ROBO2: variants seen among roughly 807,000 people sequenced by gnomAD.
ROBO2 encodes roundabout guidance receptor 2, also known as roundabout homolog 2.
Under a neutral mutation model 160.8 loss-of-function variants are expected in ROBO2, and 53 were observed. That is an observed-to-expected ratio of 0.33 (90% CI 0.26 to 0.41). The LOEUF is 0.41. Among genes scored for constraint, ROBO2 ranks in the 10% least tolerant of loss-of-function variants. The probability of loss-of-function intolerance (pLI) is 1.00; values close to 1 mark genes in which losing one functional copy is unlikely to be tolerated. For synonymous variants in ROBO2, 664 were observed against 611.7 expected, an observed-to-expected ratio of 1.09 and a Z score of -1.26; for missense variants, 1,577 against 1,722.4, an observed-to-expected ratio of 0.92 and a Z score of 1.49.
intron 2 of ROBO2, among the ~76,000 whole-genome samples, chr3:76,396,002 G>T (rs554746258): frequency 5.3e-5 from 8 of 152,020 alleles, no homozygotes; most frequent in South Asian, 2.1e-4. Context: ...TACCAAAGCC[G>T]GGCAGAGACA....
At chr3:75,921,214 A>G (rs1338478928) in intron 1 of ROBO2, among the ~76,000 whole-genome samples, 1 of 151,980 alleles carries the variant, frequency 6.6e-6, no homozygotes, top group East Asian at 1.9e-4. Flanking sequence ...GAGCTCTTAT[A>G]AGGCAGGACT....
chr3:77,603,651 C>T (rs2094472952), intron 20 of ROBO2: 1 of 152,414 alleles, frequency 6.6e-6, no homozygotes, highest in African/African-American at 2.4e-5. Context: ...ATCAGCTAAA[C>T]TGACAATCTA....
At chr3:77,250,984 C>T (rs1402500440) in intron 2 of ROBO2, among the ~76,000 whole-genome samples, 1 of 152,102 alleles carries the variant, frequency 6.6e-6, no homozygotes, top group African/African-American at 2.4e-5. Context: ...AACATTTCAC[C>T]CCTGGCTCTC....
intron 2 of ROBO2, among the ~76,000 whole-genome samples, chr3:77,198,661 G>A (rs1290881988): frequency 6.6e-6 from 1 of 152,138 alleles, no homozygotes; most frequent in Non-Finnish European, 1.5e-5. Context: ...AGCAGTTTGG[G>A]AGGCCCAGGT....
chr3:77,377,597 A>G (rs933790170), intron 2 of ROBO2, among the ~76,000 whole-genome samples: 1 of 152,216 alleles, frequency 6.6e-6, no homozygotes, highest in Non-Finnish European at 1.5e-5. Flanking sequence ...GAATTTACAC[A>G]CAAGTCAATA....
intron 2 of ROBO2, among the ~76,000 whole-genome samples, chr3:76,111,888 T>C (rs778513630): frequency 3.9e-5 from 6 of 152,106 alleles, no homozygotes; most frequent in Non-Finnish European, 7.4e-5. Flanking sequence ...AAATAGAAGG[T>C]CCTCACTGAA....
intron 2 of ROBO2, among the ~76,000 whole-genome samples, chr3:77,214,508 A>G (rs2084654125): frequency 6.6e-6 from 1 of 152,160 alleles, no homozygotes; most frequent in African/African-American, 2.4e-5. Flanking sequence ...AATACAGCAC[A>G]CTGATGGGTC....
chr3:77,438,487 T>G (rs920386390), intron 2 of ROBO2, among the ~76,000 whole-genome samples: 16 of 151,056 alleles, frequency 1.1e-4, no homozygotes, highest in African/African-American at 3.9e-4. Context: ...TTCAGACTGT[T>G]TAGGGTGAAA....
intron 2 of ROBO2, among the ~76,000 whole-genome samples, chr3:77,107,230 A>C (rs2072927075): frequency 6.6e-6 from 1 of 152,050 alleles, no homozygotes; most frequent in Non-Finnish European, 1.5e-5. Flanking sequence ...CAGTGACATC[A>C]CCTTCAGGGA....
At chr3:76,587,050 C>T (rs1290876675) in intron 2 of ROBO2, among the ~76,000 whole-genome samples, 1 of 152,128 alleles carries the variant, frequency 6.6e-6, no homozygotes. Flanking sequence ...ATACATGATA[C>T]AATTGCTCCT....
At chr3:76,431,811 A>C (rs2076449056) in intron 2 of ROBO2, among the ~76,000 whole-genome samples, 1 of 152,212 alleles carries the variant, frequency 6.6e-6, no homozygotes, top group African/African-American at 2.4e-5. Flanking sequence ...TATCAAGGCC[A>C]TGTAAATGTG....
At chr3:76,183,213 C>A (rs980847345) in intron 2 of ROBO2, among the ~76,000 whole-genome samples, 25 of 151,990 alleles carry the variant, frequency 1.6e-4, no homozygotes, top group Non-Finnish European at 1.5e-5. Flanking sequence ...GACATTCCAA[C>A]TTCTTACATG....
At chr3:76,315,052 T>C (rs938486575) in intron 2 of ROBO2, among the ~76,000 whole-genome samples, 7 of 152,000 alleles carry the variant, frequency 4.6e-5, no homozygotes, top group Non-Finnish European at 1.0e-4. Context: ...TGGCATGAAA[T>C]AGTCAAAACG....
At chr3:76,975,851 T>A (rs1319484603) in intron 2 of ROBO2, among the ~76,000 whole-genome samples, 1 of 152,166 alleles carries the variant, frequency 6.6e-6, no homozygotes, top group African/African-American at 2.4e-5. Flanking sequence ...AAAACTCTTC[T>A]TACAGACATG....
intron 2 of ROBO2, among the ~76,000 whole-genome samples, chr3:76,441,583 G>T (rs1385343627): frequency 6.6e-6 from 1 of 152,176 alleles, no homozygotes; most frequent in East Asian, 1.9e-4. Context: ...GAGCTATTAA[G>T]TTCCTTTGTT....
chr3:77,486,374 T>A (rs2085354963), intron 4 of ROBO2, among the ~76,000 whole-genome samples: 2 of 152,180 alleles, frequency 1.3e-5, no homozygotes, highest in South Asian at 4.1e-4. Context: ...TAATTTACAT[T>A]CCCACCAACT....
At chr3:76,494,387 G>A (rs892939854) in intron 2 of ROBO2, among the ~76,000 whole-genome samples, 3 of 152,062 alleles carry the variant, frequency 2.0e-5, no homozygotes, top group Admixed American at 2.0e-4. Context: ...AAATGAAGAT[G>A]GAAAAGAGTG....
intron 2 of ROBO2, among the ~76,000 whole-genome samples, chr3:76,118,913 G>A (rs1262950285): frequency 2.6e-5 from 4 of 152,116 alleles, no homozygotes; most frequent in African/African-American, 9.7e-5. Context: ...AAGAATGTCA[G>A]GGCTCTTGGC....
At chr3:76,399,235 A>G (rs931493167) in intron 2 of ROBO2, among the ~76,000 whole-genome samples, 5 of 151,726 alleles carry the variant, frequency 3.3e-5, no homozygotes, top group African/African-American at 1.2e-4. Flanking sequence ...AGTAAATAAG[A>G]TAAGTAGAGA....
Sources: gnomAD v4.1 joint callset for allele counts (sites outside exome capture counted in the v4.1 genomes callset) on GRCh38, gnomAD v4.1.1 for gene constraint, MANE v1.5 for transcripts, NCBI Gene and HGNC (gene_info 2026-07-23, HGNC 2026-07-21) for gene names.